Variants in PTPRT observed in about 807,000 individuals in gnomAD.
The protein encoded by PTPRT is protein tyrosine phosphatase receptor type T.
Under a neutral mutation model 176.8 loss-of-function variants are expected in PTPRT, and 56 were observed. The ratio of observed to expected loss-of-function variants is 0.32; its 90% CI spans 0.26 to 0.40. The LOEUF is 0.40. Ranked by LOEUF, PTPRT falls within the 10% of genes least tolerant of loss-of-function variation. The pLI, the probability that PTPRT is intolerant of heterozygous loss-of-function variation, is 1.00. For synonymous variants in PTPRT, 783 were observed against 739.0 expected, an observed-to-expected ratio of 1.06 and a Z score of -0.96; for missense variants, 1,540 against 1,908.2, an observed-to-expected ratio of 0.81 and a Z score of 3.60.
chr20:43,098,425 T>C (rs991004799), intron 1 of PTPRT, among the ~76,000 whole-genome samples: 1 of 152,142 alleles, frequency 6.6e-6, no homozygotes, highest in Admixed American at 6.6e-5. Flanking sequence ...ATATTCATAT[T>C]AACAGAGTAC....
At chr20:43,036,394 G>C (rs1986380557) in intron 1 of PTPRT, among the ~76,000 whole-genome samples, 1 of 152,070 alleles carries the variant, frequency 6.6e-6, no homozygotes, top group South Asian at 2.1e-4. Context: ...ACTATGCCCA[G>C]CTTTATTTTT....
chr20:42,891,399 C>T (rs1365332865), intron 1 of PTPRT, among the ~76,000 whole-genome samples: 1 of 152,158 alleles, frequency 6.6e-6, no homozygotes, highest in Non-Finnish European at 1.5e-5. Context: ...CAAAATGTGG[C>T]AATGGCCCCA....
chr20:42,454,946 G>A (rs147316751), intron 8 of PTPRT, among the ~76,000 whole-genome samples: 88 of 152,268 alleles, frequency 5.8e-4, no homozygotes, highest in African/African-American at 2.0e-3. Context: ...TTAATGCCCC[G>A]AAGACATCCT....
At chr20:42,527,713 G>A (rs1480865547) in intron 7 of PTPRT, among the ~76,000 whole-genome samples, 1 of 152,160 alleles carries the variant, frequency 6.6e-6, no homozygotes, top group African/African-American at 2.4e-5. Context: ...AGCCTAAGTA[G>A]ATTGTAGGCT....
At position 42,336,809 on chromosome 20, in the gene PTPRT, GT is replaced by G. The variant is rs568543847; in HGVS notation, c.1865+13818del. Among the ~76,000 whole-genome samples the G allele has an allele frequency of 9.9e-4, 151 of 152,268 alleles. 3 individuals carry two copies. The highest frequency in any genetic ancestry group is 5.9e-4 in the Non-Finnish European group (40 of 68,002). ...CATAAACCAAGAACATGAGTTTATT[GT>G]TTCAGATGGCTGTGGATTAGCTAAA... On this transcript the variant is annotated intron_variant, in intron 11 of 30. Coordinates refer to ENST00000373187, the MANE Select transcript of PTPRT (RefSeq NM_007050.6).
chr20:42,976,788 T>C (rs997666440), intron 1 of PTPRT, among the ~76,000 whole-genome samples: 5 of 152,228 alleles, frequency 3.3e-5, no homozygotes, highest in African/African-American at 7.2e-5. Context: ...GCTCTTGATA[T>C]TTCTTTTCAA....
chr20:42,570,260 G>A (rs1005660084), intron 7 of PTPRT, among the ~76,000 whole-genome samples: 16 of 152,112 alleles, frequency 1.1e-4, no homozygotes, highest in African/African-American at 2.9e-4. Context: ...CTGGAAACCC[G>A]CCGTGTCCCT....
rs138772704 is a variant in PTPRT at position 43,010,244 on chromosome 20, C to T, written c.89-124312G>A. ...CCTGTCTTCCATTATCAAGTCACTT[C>T]CTGCCAAAACTGGTAGACTGCAAAC... On this transcript the variant is annotated intron_variant, in intron 1 of 30. Coordinates refer to ENST00000373187, the MANE Select transcript of PTPRT (RefSeq NM_007050.6). Among the ~76,000 whole-genome samples, 280 of 152,278 alleles carry T rather than the reference C, an allele frequency of 1.8e-3. 1 individual carries two copies. Among genetic ancestry groups the T allele is most frequent in the Admixed American group, 4.7e-3 (72 of 15,300 alleles).
At chr20:42,512,029 G>A (rs1390589517) in intron 7 of PTPRT, among the ~76,000 whole-genome samples, 1 of 152,012 alleles carries the variant, frequency 6.6e-6, no homozygotes, top group Non-Finnish European at 1.5e-5. Context: ...CATCTGTCTT[G>A]TTTCTCTCCC....
intron 1 of PTPRT, among the ~76,000 whole-genome samples, chr20:43,057,725 C>A (rs1048644008): frequency 6.6e-6 from 1 of 152,178 alleles, no homozygotes; most frequent in African/African-American, 2.4e-5. Flanking sequence ...ATGGCAAAGG[C>A]CCTGGACCAC....
Position 42,098,477 on chromosome 20 carries a change from C to A in PTPRT, c.3790G>T (p.Val1264Leu), listed in dbSNP as rs769964562. 7 of 1,614,056 alleles carry A rather than the reference C, an allele frequency of 4.3e-6. No individual in the cohort carries two copies. The highest frequency in any genetic ancestry group is 5.9e-6 in the Non-Finnish European group (7 of 1,180,026). Residue 1264 changes from valine to leucine, a missense_variant, in exon 27 of 31, where the codon GTG becomes TTG. This residue lies in a region of PTPRT where 342 missense variants were observed against 394.0 expected (regional missense o/e 0.87). Transcript: ENST00000373187. ...ACAGAGGAGCAGTTGTAATCGAACA[C>A]CAGCCTCCAGAAGTCTGCCACGGTG... ...PNTVADFWRL[V>L]FDYNCSSVVM...
At chr20:42,121,692 AT>A (rs71193648) in intron 19 of PTPRT, among the ~76,000 whole-genome samples, 3 of 78,868 alleles carry the variant, frequency 3.8e-5, no homozygotes, top group East Asian at 4.8e-4. Flanking sequence ...GAATAAAGAA[AT>A]TTTTTATATA....
intron 1 of PTPRT, among the ~76,000 whole-genome samples, chr20:43,085,572 A>G (rs2011580957): frequency 6.6e-6 from 1 of 152,206 alleles, no homozygotes; most frequent in Non-Finnish European, 1.5e-5. Flanking sequence ...AGGCCTCACA[A>G]TCATGGCAGA....
At chr20:42,524,769 T>G (rs930458075) in intron 7 of PTPRT, among the ~76,000 whole-genome samples, 2 of 152,150 alleles carry the variant, frequency 1.3e-5, no homozygotes, top group Non-Finnish European at 2.9e-5. Context: ...CCCACTAACA[T>G]GTTTCTTTAT....
At chr20:43,051,740 T>C (rs1408763982) in intron 1 of PTPRT, among the ~76,000 whole-genome samples, 3 of 150,514 alleles carry the variant, frequency 2.0e-5, no homozygotes, top group Non-Finnish European at 4.4e-5. Flanking sequence ...AGGAAAAAAA[T>C]CTCATCAAAG....
Position 42,370,313 on chromosome 20 carries a change from C to T in PTPRT, c.1561-18028G>A, listed in dbSNP as rs531772517. On this transcript the variant is annotated intron_variant, in intron 9 of 30. Coordinates refer to ENST00000373187, the MANE Select transcript of PTPRT (RefSeq NM_007050.6). ...GGCACCAGCTCCAGATAACGGCCAG[C>T]GACAGGAGTCAGTACCTGTGCCAGG... 3.2e-3 allele frequency among the ~76,000 whole-genome samples: 488 copies of T among 152,284 alleles called. 2 individuals are homozygous for T. The highest frequency in any genetic ancestry group is 0.011 in the African/African-American group (467 of 41,554).
At chr20:42,102,347 T>C in intron 25 of PTPRT, 50 bp from the exon 26 acceptor site, 1 of 1,571,224 alleles carries the variant, frequency 6.4e-7, no homozygotes, top group Non-Finnish European at 8.7e-7. Flanking sequence ...TGGCTGCCCC[T>C]GAGCAAAAGA....
At chr20:43,078,692 C>A (rs956771218) in intron 1 of PTPRT, among the ~76,000 whole-genome samples, 3 of 152,200 alleles carry the variant, frequency 2.0e-5, no homozygotes, top group Non-Finnish European at 4.4e-5. Context: ...CATGCCATGG[C>A]AGCATACACT....
chr20:42,656,024 CAG>C (rs1421851180), intron 7 of PTPRT, among the ~76,000 whole-genome samples: 5 of 152,250 alleles, frequency 3.3e-5, no homozygotes, highest in Non-Finnish European at 5.9e-5. Flanking sequence ...AGATGAGAAA[CAG>C]TGGACATATG....
Sources: allele counts gnomAD v4.1 joint callset (sites outside exome capture counted in the v4.1 genomes callset), GRCh38; gene constraint gnomAD v4.1.1; regional missense constraint gnomAD v4.1.1; transcripts MANE v1.5; gene names NCBI Gene and HGNC (gene_info 2026-07-23, HGNC 2026-07-21).